Variants in CLVS1 observed in about 807,000 individuals in gnomAD.
CLVS1 encodes clavesin-1.
In CLVS1, 10 loss-of-function variants were observed where a neutral mutation model predicts 33.1. The observed-to-expected ratio is 0.30, with a 90% CI of 0.19 to 0.51. The LOEUF is 0.51. Among genes scored for constraint, CLVS1 ranks in the 20% least tolerant of loss-of-function variants. The pLI is 0.97. For missense variants in CLVS1, 343 were observed against 433.4 expected (o/e 0.79, Z 1.85); for synonymous variants, 163 against 166.1 (o/e 0.98, Z 0.14).
At chr8:61,129,000 T>C (rs1022291667) in intron 1 of CLVS1, among the ~76,000 whole-genome samples, 3 of 152,240 alleles carry the variant, frequency 2.0e-5, no homozygotes, top group African/African-American at 7.2e-5. Flanking sequence ...TCTTTTTTAT[T>C]GCATTTGATA....
At chr8:60,982,586 G>C in the CLVS1 span, among the ~76,000 whole-genome samples, 1 of 151,906 alleles carries the variant, frequency 6.6e-6, no homozygotes, top group South Asian at 2.1e-4. Flanking sequence ...GGAAGTTCTA[G>C]GACACTTGCC....
Position 61,432,309 on chromosome 8 carries a change from C to T in CLVS1, c.631-21832C>T, listed in dbSNP as rs143624680. On this transcript the variant is annotated intron_variant, in intron 3 of 5. Coordinates refer to ENST00000325897, the MANE Select transcript of CLVS1 (RefSeq NM_173519.3). Reference sequence around the variant, plus strand: ...TCATTCACTTAACACTATTATGGGACGAATTGTTACCCCCCAAATTCGTCT... The same window carrying T: ...TCATTCACTTAACACTATTATGGGATGAATTGTTACCCCCCAAATTCGTCT... 3.7e-3 allele frequency among the ~76,000 whole-genome samples: 568 copies of T among 152,070 alleles called. 7 individuals are homozygous for T. Among genetic ancestry groups the T allele is most frequent in the African/African-American group, 0.012 (480 of 41,460 alleles).
chr8:61,296,245 C>T (rs1273378130), intron 1 of CLVS1, among the ~76,000 whole-genome samples: 1 of 152,160 alleles, frequency 6.6e-6, no homozygotes, highest in Non-Finnish European at 1.5e-5. Context: ...CTTAAGCATT[C>T]TCCCCAGAAG....
chr8:61,401,266 A>G (rs1585918210), intron 3 of CLVS1, among the ~76,000 whole-genome samples: 2 of 151,430 alleles, frequency 1.3e-5, no homozygotes, highest in African/African-American at 4.9e-5. Flanking sequence ...CATTTTACTT[A>G]TTTATTTTTT....
chr8:61,294,058 T>C (rs912015323), intron 1 of CLVS1, among the ~76,000 whole-genome samples: 23 of 152,248 alleles, frequency 1.5e-4, no homozygotes, highest in Admixed American at 3.3e-4. Context: ...ATGACAACAA[T>C]ATTCTATTTC....
intron 1 of CLVS1, among the ~76,000 whole-genome samples, chr8:61,126,975 G>A (rs1410965773): frequency 1.3e-5 from 2 of 152,078 alleles, no homozygotes; most frequent in African/African-American, 4.8e-5. Flanking sequence ...TCCTCAATTG[G>A]CCTGGGTCTT....
intron 2 of CLVS1, among the ~76,000 whole-genome samples, chr8:61,336,321 G>T (rs1379353462): frequency 6.6e-6 from 1 of 152,152 alleles, no homozygotes; most frequent in African/African-American, 2.4e-5. Context: ...CTTCTAAAAC[G>T]CTATAGCACT....
At chr8:61,289,633 C>T (rs1161851087) in intron 1 of CLVS1, among the ~76,000 whole-genome samples, 67 of 152,110 alleles carry the variant, frequency 4.4e-4, no homozygotes, top group Non-Finnish European at 8.8e-5. Context: ...AACCAGAGCA[C>T]AGAAAAGCTT....
At chr8:61,330,757 C>T (rs1344271811) in intron 2 of CLVS1, among the ~76,000 whole-genome samples, 1 of 152,014 alleles carries the variant, frequency 6.6e-6, no homozygotes, top group Non-Finnish European at 1.5e-5. Context: ...CATCTTCTTT[C>T]TTGATTTGTC....
intron 2 of CLVS1, among the ~76,000 whole-genome samples, chr8:61,169,797 T>A (rs569077649): frequency 5.3e-5 from 8 of 152,320 alleles, no homozygotes; most frequent in African/African-American, 1.7e-4. Context: ...GAGACTCCCA[T>A]GGCTATGTAC....
At chr8:61,040,325 A>G in the CLVS1 span, among the ~76,000 whole-genome samples, 2 of 152,280 alleles carry the variant, frequency 1.3e-5, no homozygotes, top group East Asian at 3.9e-4. Context: ...GTGTAGAACA[A>G]TTTATTTTCC....
intron 2 of CLVS1, among the ~76,000 whole-genome samples, chr8:61,245,048 A>T (rs751690248): frequency 1.3e-5 from 2 of 152,150 alleles, no homozygotes; most frequent in Non-Finnish European, 2.9e-5. Context: ...TCTCATATGA[A>T]ATGCCACTTT....
At chr8:61,122,569 A>AACACACACACAC (rs4033855) in intron 1 of CLVS1, among the ~76,000 whole-genome samples, 4,282 of 144,506 alleles carry the variant, frequency 0.03, 73 homozygotes, top group Admixed American at 0.058. Flanking sequence ...ATATTAAGAA[A>AACACACACACAC]ACACACACAC....
intron 2 of CLVS1, among the ~76,000 whole-genome samples, chr8:61,355,006 C>T (rs924488175): frequency 6.6e-6 from 1 of 152,182 alleles, no homozygotes; most frequent in South Asian, 2.1e-4. Context: ...ACAGTTACCT[C>T]AATTTAAAAA....
At chr8:61,399,255 T>C (rs1814655537) in intron 3 of CLVS1, among the ~76,000 whole-genome samples, 1 of 152,116 alleles carries the variant, frequency 6.6e-6, no homozygotes, top group Non-Finnish European at 1.5e-5. Context: ...TGGTATCTCA[T>C]TGTGGATTTG....
chr8:61,077,327 T>C (rs1389814609), intron 1 of CLVS1, among the ~76,000 whole-genome samples: 1 of 151,944 alleles, frequency 6.6e-6, no homozygotes, highest in African/African-American at 2.4e-5. Flanking sequence ...CGCCTCGGCC[T>C]CCCAAAGTGC....
intron 2 of CLVS1, among the ~76,000 whole-genome samples, chr8:61,194,766 A>G (rs550442043): frequency 9.2e-5 from 14 of 151,966 alleles, no homozygotes; most frequent in African/African-American, 3.1e-4. Flanking sequence ...GAAATGCAGA[A>G]TTTATAATCT....
At chr8:61,311,957 A>G (rs1319548751) in intron 2 of CLVS1, among the ~76,000 whole-genome samples, 1 of 152,218 alleles carries the variant, frequency 6.6e-6, no homozygotes, top group African/African-American at 2.4e-5. Context: ...GCGTTTTAAA[A>G]ACACAATGTT....
At chr8:61,084,056 T>C (rs1805074240) in intron 1 of CLVS1, among the ~76,000 whole-genome samples, 1 of 152,000 alleles carries the variant, frequency 6.6e-6, no homozygotes, top group South Asian at 2.1e-4. Context: ...TGCTAGAAAA[T>C]GGGGTAAATA....
Sources: allele counts gnomAD v4.1 joint callset (sites outside exome capture counted in the v4.1 genomes callset), GRCh38; gene constraint gnomAD v4.1.1; transcripts MANE v1.5; gene names NCBI Gene and HGNC (gene_info 2026-07-23, HGNC 2026-07-21).